Variants in CDKL1 observed in about 807,000 individuals in gnomAD.
CDKL1 encodes cyclin-dependent kinase-like 1.
CDKL1 carries 41 observed loss-of-function variants against 42.0 expected under a neutral mutation model. The ratio of observed to expected loss-of-function variants is 0.98; its 90% CI spans 0.76 to 1.27. The LOEUF (loss-of-function observed/expected upper bound fraction) is 1.27. Ranked by LOEUF, CDKL1 falls within the 50% of genes most tolerant of loss-of-function variation. The pLI is 0.00. For synonymous variants in CDKL1, 153 were observed against 158.6 expected (o/e 0.96, Z 0.26); for missense variants, 394 against 428.4 (o/e 0.92, Z 0.71).
chr14:50,377,480 C>T lies in CDKL1; in HGVS notation c.168+18221G>A, dbSNP rs904392279. 15 of 818,318 alleles carry T rather than the reference C, an allele frequency of 1.8e-5. No individual in the cohort carries two copies. The African/African-American group carries it at 2.2e-4, about 12-fold the overall frequency. 50.7% of individuals were successfully genotyped at this position (818,318 alleles called of 1,614,324 possible). A position where few individuals can be genotyped will look rare whatever the true frequency, so the allele number is the denominator to read the frequency against. Reference sequence around the variant, plus strand: ...ATCACTTCCCAAAATAAACTCCTAACACACAGTTCCTGTCTCAGACTTTAC... The same window carrying T: ...ATCACTTCCCAAAATAAACTCCTAATACACAGTTCCTGTCTCAGACTTTAC... On this transcript the variant is annotated intron_variant, in intron 2 of 9. Transcript: ENST00000395834.
chr14:50,342,942 AC>A, intron 4 of CDKL1: 1 of 1,356,964 alleles, frequency 7.4e-7, no homozygotes, highest in South Asian at 1.2e-5. Flanking sequence ...GCTCTGTCCC[AC>A]ACACAAGTGC....
rs1023172010 is a variant in CDKL1 at position 50,328,194 on chromosome 14, G to A, written c.*1880C>T. The A allele has an allele frequency of 6.6e-6, 1 of 151,950 alleles. No homozygotes were observed. Among genetic ancestry groups the A allele is most frequent in the Non-Finnish European group, 1.5e-5 (1 of 68,010 alleles). The allele number at this position is 151,950 out of a possible 1,614,324, so 9.4% of individuals were successfully genotyped here. On this transcript the variant is annotated 3_prime_UTR_variant, in exon 10 of 10. Transcript: ENST00000395834. ...TAGGCTGTTATAGTAATCTGCCTCC[G>A]TCAAGTGTATTTTCTTGGGTTAAGG...
intron 9 of CDKL1, 176 bp from the exon 10 acceptor site, chr14:50,330,357 T>C: frequency 2.9e-6 from 2 of 685,392 alleles, no homozygotes; most frequent in Non-Finnish European, 4.4e-6. Context: ...CTTTTCCTTT[T>C]AAATGTTTAT....
chr14:50,342,415 A>T, intron 4 of CDKL1, 193 bp from the exon 5 acceptor site: 1 of 1,345,508 alleles, frequency 7.4e-7, no homozygotes, highest in Middle Eastern at 2.8e-4. Flanking sequence ...CCAAATTCCT[A>T]AAAGGCCCAA....
intron 3 of CDKL1, among the ~76,000 whole-genome samples, chr14:50,352,617 A>C (rs1470765259): frequency 6.6e-6 from 1 of 151,600 alleles, no homozygotes. Context: ...ATATATAGAA[A>C]ATACATAGAA....
intron 2 of CDKL1, chr14:50,390,124 C>T: frequency 1.5e-6 from 2 of 1,363,050 alleles, no homozygotes; most frequent in East Asian, 4.5e-5. Flanking sequence ...GTCCCTTGCC[C>T]CTACCTGCCA....
intron 5 of CDKL1, among the ~76,000 whole-genome samples, chr14:50,341,642 G>A (rs1481488514): frequency 1.3e-5 from 2 of 152,068 alleles, no homozygotes; most frequent in Non-Finnish European, 2.9e-5. Context: ...TTAGCCAGGT[G>A]TGGTGGCTCA....
At chr14:50,370,419 C>T (rs543544215) in intron 2 of CDKL1, among the ~76,000 whole-genome samples, 2 of 152,282 alleles carry the variant, frequency 1.3e-5, no homozygotes, top group South Asian at 4.1e-4. Context: ...CTGTATTCAC[C>T]ATGCTGTGCA....
chr14:50,339,377 A>C (rs1298944476), intron 6 of CDKL1, among the ~76,000 whole-genome samples: 1 of 152,240 alleles, frequency 6.6e-6, no homozygotes, highest in Non-Finnish European at 1.5e-5. Flanking sequence ...AAAAAACAGC[A>C]AAACGGCAAC....
intron 2 of CDKL1, among the ~76,000 whole-genome samples, chr14:50,395,165 C>A (rs562786255): frequency 6.6e-6 from 1 of 152,050 alleles, no homozygotes; most frequent in African/African-American, 2.4e-5. Context: ...ATAGGAAATA[C>A]CTTAGAAGTT....
chr14:50,393,005 C>T (rs984299735), intron 2 of CDKL1, among the ~76,000 whole-genome samples: 1 of 152,164 alleles, frequency 6.6e-6, no homozygotes, highest in South Asian at 2.1e-4. Flanking sequence ...TTCCTTCTCT[C>T]CCTGGCCTGT....
At position 50,395,700 on chromosome 14, in the gene CDKL1, C is replaced by G. The variant is rs200559651; in HGVS notation, c.168+1G>C. On this transcript the variant is annotated splice_donor_variant, in intron 2 of 9. Transcript: ENST00000395834. LOFTEE classifies it high-confidence loss of function. Reference sequence around the variant, plus strand: ...AAAAAAAGGAAAAGTGAATCAATTACCTTGAGCATTCGGATTTCCCGAAGG... The same window carrying G: ...AAAAAAAGGAAAAGTGAATCAATTAGCTTGAGCATTCGGATTTCCCGAAGG... 404 of 1,600,436 alleles carry G rather than the reference C, an allele frequency of 2.5e-4. No individual in the cohort carries two copies. The highest frequency in any genetic ancestry group is 9.6e-4 in the South Asian group (87 of 90,552).
intron 2 of CDKL1, among the ~76,000 whole-genome samples, chr14:50,361,203 T>C (rs896117150): frequency 6.6e-6 from 1 of 152,304 alleles, no homozygotes; most frequent in Non-Finnish European, 1.5e-5. Context: ...TTGAACTGCA[T>C]GCTACAGCAC....
At chr14:50,367,823 GCT>G (rs1184480228) in intron 2 of CDKL1, among the ~76,000 whole-genome samples, 8 of 152,166 alleles carry the variant, frequency 5.3e-5, no homozygotes, top group African/African-American at 1.9e-4. Flanking sequence ...TTCAGTTAAT[GCT>G]CTATCTAGAA....
At chr14:50,371,235 T>C (rs2034582715) in intron 2 of CDKL1, among the ~76,000 whole-genome samples, 1 of 152,230 alleles carries the variant, frequency 6.6e-6, no homozygotes, top group Admixed American at 6.5e-5. Context: ...ACATTTCAAA[T>C]TTCACTTTTG....
chr14:50,342,039 C>A, intron 5 of CDKL1, 93 bp downstream of exon 5: 1 of 952,114 alleles, frequency 1.1e-6, no homozygotes, highest in Non-Finnish European at 1.7e-6. Context: ...TATACAAGTA[C>A]TATCTTGTAT....
chr14:50,334,700 A>G, intron 7 of CDKL1, 79 bp from the exon 8 acceptor site: 3 of 929,440 alleles, frequency 3.2e-6, no homozygotes, highest in Non-Finnish European at 5.3e-6. Flanking sequence ...TTTTGATAGA[A>G]ACATTTTCCT....
chr14:50,384,584 C>T (rs2035015725), intron 2 of CDKL1, among the ~76,000 whole-genome samples: 2 of 150,730 alleles, frequency 1.3e-5, no homozygotes, highest in African/African-American at 2.4e-5. Flanking sequence ...AGAAAGAATA[C>T]TGACAGTGAT....
chr14:50,371,603 C>G (rs1175068971), intron 2 of CDKL1, among the ~76,000 whole-genome samples: 1 of 152,222 alleles, frequency 6.6e-6, no homozygotes, highest in Non-Finnish European at 1.5e-5. Context: ...AGTGGCCCAT[C>G]TGGAGCAGCT....
Sources: allele counts gnomAD v4.1 joint callset (sites outside exome capture counted in the v4.1 genomes callset), GRCh38; gene constraint gnomAD v4.1.1; transcripts MANE v1.5; gene names NCBI Gene and HGNC (gene_info 2026-07-23, HGNC 2026-07-21).